The following ZNF385D variants were observed in gnomAD, a reference collection of about 807,000 sequenced individuals.
The protein encoded by ZNF385D is zinc finger protein 659.
Under a neutral mutation model 35.8 loss-of-function variants are expected in ZNF385D, and 15 were observed. That is an observed-to-expected ratio of 0.42 (90% CI 0.28 to 0.64). The LOEUF is 0.64. ZNF385D is among the 30% of genes least tolerant of loss of function. The probability of loss-of-function intolerance (pLI) is 0.23; values close to 1 mark genes in which losing one functional copy is unlikely to be tolerated. For missense variants in ZNF385D, 474 were observed against 494.6 expected (o/e 0.96, Z 0.39); for synonymous variants, 212 against 186.8 (o/e 1.13, Z -1.10).
intron 3 of ZNF385D, among the ~76,000 whole-genome samples, chr3:22,062,181 G>T (rs74454311): frequency 6.6e-6 from 1 of 151,876 alleles, no homozygotes; most frequent in Non-Finnish European, 1.5e-5. Context: ...GGGACTACCC[G>T]GGACTACAGG....
At chr3:21,857,661 C>A (rs1292338737) in intron 3 of ZNF385D, among the ~76,000 whole-genome samples, 1 of 151,974 alleles carries the variant, frequency 6.6e-6, no homozygotes, top group East Asian at 2.0e-4. Flanking sequence ...CCCAGTCACA[C>A]AACCAGAGGA....
At chr3:22,197,815 T>C (rs1696522622) in intron 2 of ZNF385D, among the ~76,000 whole-genome samples, 1 of 152,244 alleles carries the variant, frequency 6.6e-6, no homozygotes, top group African/African-American at 2.4e-5. Context: ...TTAAAATATC[T>C]ACCTTACTTC....
intron 3 of ZNF385D, among the ~76,000 whole-genome samples, chr3:21,874,063 C>A (rs933516339): frequency 1.3e-5 from 2 of 151,640 alleles, no homozygotes; most frequent in African/African-American, 4.8e-5. Flanking sequence ...TTGGTGAAAC[C>A]TCTATACTAT....
At chr3:22,173,131 A>G (rs530120942) in intron 2 of ZNF385D, among the ~76,000 whole-genome samples, 6 of 152,354 alleles carry the variant, frequency 3.9e-5, no homozygotes, top group African/African-American at 1.4e-4. Context: ...AGTATACAAA[A>G]TACCTGACCA....
chr3:21,726,007 G>T (rs923833462), intron 1 of ZNF385D, among the ~76,000 whole-genome samples: 3 of 152,116 alleles, frequency 2.0e-5, no homozygotes, highest in Admixed American at 2.0e-4. Flanking sequence ...TACCTGGGAG[G>T]CAAGGCTGGT....
intron 2 of ZNF385D, among the ~76,000 whole-genome samples, chr3:22,198,596 C>T (rs916788470): frequency 2.0e-5 from 3 of 151,992 alleles, no homozygotes; most frequent in African/African-American, 4.8e-5. Context: ...AACCTGGCCT[C>T]GACATATTTA....
upstream of ZNF385D, among the ~76,000 whole-genome samples, chr3:21,753,302 G>A (rs1322897995): frequency 6.6e-6 from 1 of 152,082 alleles, no homozygotes; most frequent in Non-Finnish European, 1.5e-5. Context: ...TCTCCAACAG[G>A]TTTCCTTCTT....
At chr3:21,958,041 C>A (rs1230153898) in intron 3 of ZNF385D, among the ~76,000 whole-genome samples, 6 of 152,070 alleles carry the variant, frequency 3.9e-5, no homozygotes, top group Non-Finnish European at 8.8e-5. Context: ...ACACATGCAC[C>A]CACACATTGC....
chr3:22,095,177 T>C (rs938526182), intron 3 of ZNF385D, among the ~76,000 whole-genome samples: 1 of 151,012 alleles, frequency 6.6e-6, no homozygotes, highest in Non-Finnish European at 1.5e-5. Context: ...TCAAGTAGTC[T>C]TGGTCTCCCA....
chr3:22,243,921 CT>C (rs1436505920), intron 2 of ZNF385D, among the ~76,000 whole-genome samples: 1 of 150,618 alleles, frequency 6.6e-6, no homozygotes, highest in Non-Finnish European at 1.5e-5. Flanking sequence ...GAAAGAGCAC[CT>C]TTGAAATTTA....
chr3:21,987,725 G>T (rs1321780093), intron 3 of ZNF385D, among the ~76,000 whole-genome samples: 1 of 145,766 alleles, frequency 6.9e-6, no homozygotes, highest in Non-Finnish European at 1.5e-5. Flanking sequence ...TGCCTTGCTA[G>T]GTTGGGGAAG....
rs528118839 is a variant in ZNF385D at position 22,271,257 on chromosome 3, A to T, written c.106+101193T>A. The stretch of plus-strand genomic sequence containing the variant: ...GCTTTTCTTCATAGCAGAAAAAAGG[A>T]TGAAGAGGACAGGAGTAAAGAAAAG... On this transcript the variant is annotated intron_variant, in intron 2 of 5. Transcript: ENST00000494108. Among the ~76,000 whole-genome samples the T allele has an allele frequency of 1.4e-4, 21 of 152,128 alleles. No homozygotes were observed. In the South Asian group the frequency reaches 3.3e-3, roughly 24 times the overall value.
At chr3:21,667,606 T>A (rs940094383) in intron 1 of ZNF385D, among the ~76,000 whole-genome samples, 65 of 152,236 alleles carry the variant, frequency 4.3e-4, no homozygotes, top group African/African-American at 1.4e-3. Context: ...GTTGATAAAC[T>A]CTGCAGTTGT....
At chr3:21,632,519 A>T (rs2065310864) in intron 2 of ZNF385D, among the ~76,000 whole-genome samples, 1 of 152,176 alleles carries the variant, frequency 6.6e-6, no homozygotes, top group Admixed American at 6.6e-5. Context: ...AATTCTGCAT[A>T]AAATGCATTA....
chr3:22,349,633 C>T (rs1014801289), intron 2 of ZNF385D, among the ~76,000 whole-genome samples: 1 of 152,106 alleles, frequency 6.6e-6, no homozygotes, highest in Non-Finnish European at 1.5e-5. Context: ...TTCTGGAAAT[C>T]CTTCATTTTA....
intron 3 of ZNF385D, among the ~76,000 whole-genome samples, chr3:21,551,327 A>G (rs2062561576): frequency 6.6e-6 from 1 of 152,350 alleles, no homozygotes; most frequent in East Asian, 1.9e-4. Context: ...GTCCTTAGCC[A>G]GCTAATGACC....
chr3:22,141,229 A>G (rs564391440), intron 3 of ZNF385D, among the ~76,000 whole-genome samples: 33 of 152,272 alleles, frequency 2.2e-4, no homozygotes, highest in African/African-American at 6.0e-4. Flanking sequence ...AGATTTACCA[A>G]TTCTTCAGAG....
intron 4 of ZNF385D, among the ~76,000 whole-genome samples, chr3:21,440,570 A>G (rs1425960885): frequency 6.6e-6 from 1 of 152,114 alleles, no homozygotes; most frequent in Non-Finnish European, 1.5e-5. Context: ...AAAATCAAAT[A>G]AAGAATGGGC....
chr3:22,117,301 C>A (rs1408020179), intron 3 of ZNF385D, among the ~76,000 whole-genome samples: 2 of 152,030 alleles, frequency 1.3e-5, no homozygotes, highest in African/African-American at 4.8e-5. Flanking sequence ...AATATAACTT[C>A]TTAATGTTCC....
Sources: allele counts gnomAD v4.1 joint callset (sites outside exome capture counted in the v4.1 genomes callset), GRCh38; gene constraint gnomAD v4.1.1; transcripts MANE v1.5; gene names NCBI Gene and HGNC (gene_info 2026-07-23, HGNC 2026-07-21).